YTHDF3: variants seen among roughly 807,000 people sequenced by gnomAD.
YTHDF3 encodes the protein YTH N6-methyladenosine RNA binding protein F3, also known as YTH domain-containing family protein 3.
A neutral mutation model predicts 52.5 loss-of-function variants in YTHDF3; 9 were observed. The ratio of observed to expected loss-of-function variants is 0.17; its 90% CI spans 0.10 to 0.30. The LOEUF is 0.30. Among genes scored for constraint, YTHDF3 ranks in the 10% least tolerant of loss-of-function variants. YTHDF3 has a pLI of 1.00. For missense variants in YTHDF3, 534 were observed against 715.0 expected (o/e 0.75, Z 2.89); for synonymous variants, 274 against 243.3 (o/e 1.13, Z -1.18).
At position 63,187,340 on chromosome 8, in the gene YTHDF3, T is replaced by C. The variant is rs1808590203; in HGVS notation, c.1329T>C (p.His443=). Residue 443 remains histidine, a synonymous_variant, in exon 4 of 5, where the codon CAT becomes CAC. Transcript: ENST00000539294. The part of the protein sequence containing the change: ...IKYSIWCSTE[H]GNKRLDAAYR... ...ACTCTATCTGGTGTAGTACTGAGCA[T>C]GGTAATAAGCGTTTGGATGCAGCTT... 6.2e-7 allele frequency: 1 copy of C among 1,614,064 alleles called. No homozygotes were observed. The highest frequency in any genetic ancestry group is 8.5e-7 in the Non-Finnish European group (1 of 1,179,914).
intron 4 of YTHDF3, among the ~76,000 whole-genome samples, chr8:63,204,498 A>G (rs908123704): frequency 2.6e-5 from 4 of 151,358 alleles, no homozygotes; most frequent in Non-Finnish European, 4.4e-5. Context: ...AGTAACTGGG[A>G]TTACAGGCAT....
At chr8:63,177,137 ACT>A (rs1807745849) in intron 3 of YTHDF3, among the ~76,000 whole-genome samples, 1 of 152,188 alleles carries the variant, frequency 6.6e-6, no homozygotes, top group African/African-American at 2.4e-5. Flanking sequence ...GATTTTTGAA[ACT>A]CTGAAAGAAC....
At chr8:63,174,018 A>G (rs1256346194) in intron 2 of YTHDF3, among the ~76,000 whole-genome samples, 1 of 152,138 alleles carries the variant, frequency 6.6e-6, no homozygotes, top group Non-Finnish European at 1.5e-5. Context: ...GGGATTTTGT[A>G]TATCTTTGCT....
intron 2 of YTHDF3, among the ~76,000 whole-genome samples, chr8:63,170,054 AGT>A (rs1807193878): frequency 6.6e-6 from 1 of 152,212 alleles, no homozygotes; most frequent in Admixed American, 6.5e-5. Context: ...TTGAAAGTAA[AGT>A]GTTTTTTTAA....
At chr8:63,202,785 A>AT (rs1487775753) in intron 4 of YTHDF3, among the ~76,000 whole-genome samples, 2 of 151,870 alleles carry the variant, frequency 1.3e-5, no homozygotes, top group African/African-American at 2.4e-5. Context: ...TTTAGCATGA[A>AT]TTTTTTTAGA....
intron 3 of YTHDF3, among the ~76,000 whole-genome samples, chr8:63,177,856 C>CAAGA: frequency 6.6e-6 from 1 of 150,998 alleles, no homozygotes; most frequent in Non-Finnish European, 1.5e-5. Flanking sequence ...CGCCCAGGTT[C>CAAGA]AAGAAATTTT....
In YTHDF3 at chr8:63,169,075, T is replaced by G. The variant is rs1282453702; in HGVS notation, c.24+174T>G. ...GGGGCGTGCGCCCTGGCCCCGTAGC[T>G]TGCGGGCGGGCGGGCGCGGTGCCGC... On this transcript the variant is annotated intron_variant, in intron 1 of 4. Coordinates refer to ENST00000539294, the MANE Select transcript of YTHDF3 (RefSeq NM_152758.6). 8 of 1,388,680 alleles carry G rather than the reference T, an allele frequency of 5.8e-6. No homozygotes were observed. In the East Asian group the frequency reaches 2.0e-4, roughly 35 times the overall value. The allele number at this position is 1,388,680 out of a possible 1,614,324, so 86.0% of individuals were successfully genotyped here.
At chr8:63,190,432 A>G (rs529844782) in intron 4 of YTHDF3, among the ~76,000 whole-genome samples, 2 of 152,236 alleles carry the variant, frequency 1.3e-5, no homozygotes, top group South Asian at 2.1e-4. Context: ...ATTATTATAT[A>G]TATTGTAGCC....
chr8:63,187,181 A>G lies in YTHDF3; in HGVS notation c.1170A>G (p.Glu390=), dbSNP rs1563402715. The G allele has an allele frequency of 1.2e-6, 2 of 1,614,012 alleles. No individual in the cohort carries two copies. Among genetic ancestry groups the G allele is most frequent in the Admixed American group, 3.3e-5 (2 of 60,024 alleles). Reference sequence around the variant, plus strand: ...TCAGTGCTTCACCTTCTAGTGTAGAAGTGCATCCCGTGCTGGAAAAGCTAA... The same window carrying G: ...TCAGTGCTTCACCTTCTAGTGTAGAGGTGCATCCCGTGCTGGAAAAGCTAA... The part of the protein sequence containing the change: ...VPVSASPSSV[E]VHPVLEKLKA... Residue 390 remains glutamate (E), a synonymous_variant, in exon 4 of 5, where the codon GAA becomes GAG. Transcript: ENST00000539294.
chr8:63,196,022 G>C (rs1809215625), intron 4 of YTHDF3, among the ~76,000 whole-genome samples: 1 of 152,000 alleles, frequency 6.6e-6, no homozygotes, highest in African/African-American at 2.4e-5. Context: ...GGTTGGTTTA[G>C]AACTTAGAGC....
At chr8:63,201,052 A>T (rs1809608735) in intron 4 of YTHDF3, among the ~76,000 whole-genome samples, 1 of 152,230 alleles carries the variant, frequency 6.6e-6, no homozygotes, top group Non-Finnish European at 1.5e-5. Flanking sequence ...TCATTAAGAA[A>T]ATTTCTGTCT....
chr8:63,171,810 CAGTT>C (rs758123605), intron 2 of YTHDF3, among the ~76,000 whole-genome samples: 15 of 152,294 alleles, frequency 9.8e-5, no homozygotes, highest in Non-Finnish European at 1.5e-4. Context: ...AAGTTGGTGT[CAGTT>C]AAAGTTTTGA....
intron 4 of YTHDF3, among the ~76,000 whole-genome samples, chr8:63,191,343 A>G (rs1383823208): frequency 1.3e-5 from 2 of 151,804 alleles, no homozygotes; most frequent in Non-Finnish European, 2.9e-5. Context: ...CATTTGGAGG[A>G]TTTGAATTTT....
rs1272767728 is a variant in YTHDF3, at chr8:63,210,307, C to G, written c.*601C>G. 6.6e-6 allele frequency: 1 copy of G among 152,640 alleles called. No homozygotes were observed. The highest frequency in any genetic ancestry group is 2.4e-5 in the African/African-American group (1 of 41,452). The allele number at this position is 152,640 out of a possible 1,614,324, so 9.5% of individuals were successfully genotyped here. A position where few individuals can be genotyped will look rare whatever the true frequency, so the allele number is the denominator to read the frequency against. ...AATTATATTAGAACATTTCCCTTGTCTTCAAACTGTTTGGTGTAACAGAAT... is the reference window on the plus strand; with the variant it reads ...AATTATATTAGAACATTTCCCTTGTGTTCAAACTGTTTGGTGTAACAGAAT... On this transcript the variant is annotated 3_prime_UTR_variant, in exon 5 of 5. Coordinates refer to ENST00000539294, the MANE Select transcript of YTHDF3 (RefSeq NM_152758.6).
chr8:63,185,808 C>G (rs1808459605), intron 3 of YTHDF3, among the ~76,000 whole-genome samples: 1 of 152,136 alleles, frequency 6.6e-6, no homozygotes, highest in Non-Finnish European at 1.5e-5. Flanking sequence ...TTTGTGTCCA[C>G]AAAGTTTATA....
intron 4 of YTHDF3, among the ~76,000 whole-genome samples, chr8:63,189,933 G>A (rs1471267175): frequency 6.6e-6 from 1 of 152,136 alleles, no homozygotes; most frequent in Admixed American, 6.6e-5. Flanking sequence ...ACTTAAATAT[G>A]AGAAATGAGA....
chr8:63,193,394 A>G (rs974087509), intron 4 of YTHDF3, among the ~76,000 whole-genome samples: 1 of 150,818 alleles, frequency 6.6e-6, no homozygotes, highest in African/African-American at 2.5e-5. Flanking sequence ...AAAAAAAAAA[A>G]AAGCAGCAGC....
rs115737366 is a variant in YTHDF3 at position 63,206,044 on chromosome 8, T to G, written c.1735-3639T>G. Among the ~76,000 whole-genome samples the G allele has an allele frequency of 4.0e-3, 615 of 152,264 alleles. 7 individuals are homozygous for G. The highest frequency in any genetic ancestry group is 0.014 in the African/African-American group (596 of 41,564). The stretch of plus-strand genomic sequence containing the variant: ...CCTATTTGACATCTTTATTTAGTTG[T>G]CTCATAAGCAGCCTAAATTTAGTGT... On this transcript the variant is annotated intron_variant, in intron 4 of 4. Transcript: ENST00000539294.
Position 63,209,966 on chromosome 8 carries a change from A to G in YTHDF3, c.*260A>G. On this transcript the variant is annotated 3_prime_UTR_variant, in exon 5 of 5. Coordinates refer to ENST00000539294, the MANE Select transcript of YTHDF3 (RefSeq NM_152758.6). ...TTTACCAGTATCTGCTGTCTTTTGT[A>G]ATTATGCATCCTAGCTAAGGCACAG... is the stretch of plus-strand genomic sequence containing the variant. The G allele has an allele frequency of 2.6e-6, 1 of 388,704 alleles. No homozygotes were observed. The highest frequency in any genetic ancestry group is 4.2e-5 in the East Asian group (1 of 23,802). 24.1% of individuals were successfully genotyped at this position (388,704 alleles called of 1,614,324 possible).
Sources: allele counts gnomAD v4.1 joint callset (sites outside exome capture counted in the v4.1 genomes callset), GRCh38; gene constraint gnomAD v4.1.1; transcripts MANE v1.5; gene names NCBI Gene and HGNC (gene_info 2026-07-23, HGNC 2026-07-21).